ARHGAP26: variants seen among roughly 807,000 people sequenced by gnomAD.
ARHGAP26 encodes the protein rho GTPase-activating protein 26.
In ARHGAP26, 38 loss-of-function variants were observed where a neutral mutation model predicts 104.8. The ratio of observed to expected loss-of-function variants is 0.36; its 90% CI spans 0.28 to 0.48. ARHGAP26 has a LOEUF of 0.48. Among genes scored for constraint, ARHGAP26 ranks in the 20% least tolerant of loss-of-function variants. ARHGAP26 has a pLI of 0.99. For missense variants in ARHGAP26, 704 were observed against 947.9 expected (o/e 0.74, Z 3.38); for synonymous variants, 341 against 340.0 (o/e 1.00, Z -0.03).
intron 14 of ARHGAP26, among the ~76,000 whole-genome samples, chr5:143,047,821 T>G (rs1784428098): frequency 6.6e-6 from 1 of 152,122 alleles, no homozygotes; most frequent in East Asian, 1.9e-4. Context: ...AAATTTTTTT[T>G]GTTTTATTTT....
chr5:143,150,254 G>T (rs1799666759), intron 20 of ARHGAP26, among the ~76,000 whole-genome samples: 1 of 152,200 alleles, frequency 6.6e-6, no homozygotes, highest in Non-Finnish European at 1.5e-5. Context: ...CCTATTTTAT[G>T]CCCAGACCCA....
At chr5:143,144,771 A>G (rs1562502383) in intron 19 of ARHGAP26, among the ~76,000 whole-genome samples, 1 of 152,232 alleles carries the variant, frequency 6.6e-6, no homozygotes, top group Admixed American at 6.5e-5. Flanking sequence ...ATAGTTTGCT[A>G]TAACCACTAA....
chr5:142,925,640 A>C (rs1763802767), intron 10 of ARHGAP26, among the ~76,000 whole-genome samples: 1 of 152,170 alleles, frequency 6.6e-6, no homozygotes, highest in South Asian at 2.1e-4. Context: ...GCACTTGCAA[A>C]ACTCTTCTTG....
chr5:142,825,844 G>A (rs531031058), intron 1 of ARHGAP26, among the ~76,000 whole-genome samples: 2 of 152,188 alleles, frequency 1.3e-5, no homozygotes, highest in Non-Finnish European at 2.9e-5. Flanking sequence ...TGTCCTTGGC[G>A]GAATCCCTCA....
chr5:143,114,900 G>C (rs73288134), intron 17 of ARHGAP26, among the ~76,000 whole-genome samples: 2 of 152,252 alleles, frequency 1.3e-5, no homozygotes, highest in African/African-American at 4.8e-5. Context: ...TTTGTATGGT[G>C]GGGGAGAACT....
chr5:142,858,011 C>T (rs1454993919), intron 1 of ARHGAP26, among the ~76,000 whole-genome samples: 1 of 149,608 alleles, frequency 6.7e-6, no homozygotes, highest in Non-Finnish European at 1.5e-5. Context: ...AACACGTCTC[C>T]AAAGAGAGAG....
chr5:142,840,226 G>A lies in ARHGAP26; in HGVS notation c.155-33174G>A, dbSNP rs542086068. 2.2e-4 allele frequency among the ~76,000 whole-genome samples: 34 copies of A among 152,288 alleles called. No individual in the cohort carries two copies. The South Asian group carries it at 5.0e-3, about 22-fold the overall frequency. On this transcript the variant is annotated intron_variant, in intron 1 of 22. Transcript: ENST00000645722. ...AGTCAGTGTGATTTATGGATTTGCC[G>A]TTGTTAAAAAGGCTAAACTTAAACA...
intron 17 of ARHGAP26, among the ~76,000 whole-genome samples, chr5:143,091,477 C>A (rs1791428437): frequency 6.6e-6 from 1 of 152,146 alleles, no homozygotes; most frequent in African/African-American, 2.4e-5. Context: ...TCCTTGGTAC[C>A]TTTTTACTGA....
At chr5:143,046,702 T>A (rs1048047205) in intron 14 of ARHGAP26, among the ~76,000 whole-genome samples, 7 of 152,246 alleles carry the variant, frequency 4.6e-5, no homozygotes, top group African/African-American at 1.7e-4. Context: ...CCAACTTTTT[T>A]ATCTATACTA....
chr5:143,027,868 G>T (rs958505528), intron 12 of ARHGAP26, among the ~76,000 whole-genome samples: 1 of 152,110 alleles, frequency 6.6e-6, no homozygotes, highest in African/African-American at 2.4e-5. Flanking sequence ...TGGGGTTCTC[G>T]CATGTACTGA....
At chr5:142,947,424 A>G (rs1396944819) in intron 11 of ARHGAP26, among the ~76,000 whole-genome samples, 1 of 152,136 alleles carries the variant, frequency 6.6e-6, no homozygotes, top group East Asian at 1.9e-4. Context: ...TCTTTCTCCT[A>G]CAGTAGTTGT....
intron 20 of ARHGAP26, among the ~76,000 whole-genome samples, chr5:143,192,197 A>G (rs1231616931): frequency 6.6e-6 from 1 of 152,242 alleles, no homozygotes; most frequent in African/African-American, 2.4e-5. Context: ...AAGGAGAAAG[A>G]TCTAACTCAC....
At chr5:142,847,474 C>A (rs1319610430) in intron 1 of ARHGAP26, among the ~76,000 whole-genome samples, 1 of 152,098 alleles carries the variant, frequency 6.6e-6, no homozygotes, top group Non-Finnish European at 1.5e-5. Context: ...TCTCCTGCTT[C>A]AGCCTCCGGA....
At chr5:143,184,807 G>A (rs1405964990) in intron 20 of ARHGAP26, among the ~76,000 whole-genome samples, 1 of 152,158 alleles carries the variant, frequency 6.6e-6, no homozygotes, top group Non-Finnish European at 1.5e-5. Flanking sequence ...TCAAGAGACT[G>A]AAAAAGGGGA....
At chr5:143,002,397 G>A (rs996094607) in intron 11 of ARHGAP26, among the ~76,000 whole-genome samples, 1 of 152,014 alleles carries the variant, frequency 6.6e-6, no homozygotes, top group Non-Finnish European at 1.5e-5. Flanking sequence ...TTGGGGGTTG[G>A]GGGTTGGGGA....
chr5:143,159,395 G>A (rs1056160930), intron 20 of ARHGAP26, among the ~76,000 whole-genome samples: 13 of 152,188 alleles, frequency 8.5e-5, no homozygotes, highest in Admixed American at 7.9e-4. Flanking sequence ...AATAAAGGAC[G>A]GCCTAAATAA....
At chr5:142,840,780 T>G (rs1406671841) in intron 1 of ARHGAP26, among the ~76,000 whole-genome samples, 1 of 152,206 alleles carries the variant, frequency 6.6e-6, no homozygotes, top group Non-Finnish European at 1.5e-5. Flanking sequence ...ATGGACTTGT[T>G]CACAGAATCC....
At chr5:143,044,190 A>G (rs1431041589) in intron 14 of ARHGAP26, among the ~76,000 whole-genome samples, 2 of 152,084 alleles carry the variant, frequency 1.3e-5, no homozygotes, top group Non-Finnish European at 2.9e-5. Context: ...ATAGTTTACA[A>G]GGAAAAAAAA....
intron 11 of ARHGAP26, among the ~76,000 whole-genome samples, chr5:142,988,845 G>A (rs1442636727): frequency 6.6e-6 from 1 of 152,126 alleles, no homozygotes; most frequent in Non-Finnish European, 1.5e-5. Flanking sequence ...ATTGCATTGT[G>A]GTCTGAGAGA....
Sources: gnomAD v4.1 joint callset for allele counts (sites outside exome capture counted in the v4.1 genomes callset) on GRCh38, gnomAD v4.1.1 for gene constraint, MANE v1.5 for transcripts, NCBI Gene and HGNC (gene_info 2026-07-23, HGNC 2026-07-21) for gene names.